Variants in SDCCAG8 observed in about 807,000 individuals in gnomAD.
The protein encoded by SDCCAG8 is serologically defined colon cancer antigen 8.
SDCCAG8 carries 74 observed loss-of-function variants against 101.8 expected under a neutral mutation model. That is an observed-to-expected ratio of 0.73 (90% CI 0.60 to 0.88). The LOEUF (loss-of-function observed/expected upper bound fraction) is 0.88, where lower values mean the gene tolerates loss of function less well. SDCCAG8 is among the 40% of genes least tolerant of loss of function. SDCCAG8 has a pLI of 0.00. For synonymous variants in SDCCAG8, 281 were observed against 292.9 expected, an observed-to-expected ratio of 0.96 and a Z score of 0.41; for missense variants, 787 against 822.6, an observed-to-expected ratio of 0.96 and a Z score of 0.53.
intron 1 of SDCCAG8, among the ~76,000 whole-genome samples, chr1:243,263,894 C>T (rs180718848): frequency 6.6e-6 from 1 of 152,292 alleles, no homozygotes; most frequent in Non-Finnish European, 1.5e-5. Flanking sequence ...TGTTGGTCCC[C>T]TAGTAAACAG....
intron 13 of SDCCAG8, among the ~76,000 whole-genome samples, chr1:243,384,908 A>G (rs1428549129): frequency 6.6e-6 from 1 of 152,222 alleles, no homozygotes; most frequent in Non-Finnish European, 1.5e-5. Context: ...TATTATTCAA[A>G]CAACTTCTTC....
chr1:243,464,247 A>G (rs570208602), intron 16 of SDCCAG8, among the ~76,000 whole-genome samples: 9 of 152,206 alleles, frequency 5.9e-5, no homozygotes, highest in Non-Finnish European at 8.8e-5. Context: ...CGGGGAGCTT[A>G]CACACCTGTT....
intron 4 of SDCCAG8, 78 bp downstream of exon 4, chr1:243,274,734 T>C (rs2068389111): frequency 3.5e-6 from 3 of 861,192 alleles, no homozygotes; most frequent in Non-Finnish European, 5.7e-6. Context: ...AATTTGCTGC[T>C]ATAAATCTTC....
chr1:243,498,563 C>A (rs1004534585), intron 17 of SDCCAG8, among the ~76,000 whole-genome samples: 3 of 152,222 alleles, frequency 2.0e-5, no homozygotes, highest in African/African-American at 7.2e-5. Context: ...CAGACCTGTT[C>A]AAGAAAAAGT....
intron 16 of SDCCAG8, among the ~76,000 whole-genome samples, chr1:243,429,354 A>G (rs941724985): frequency 7.9e-5 from 12 of 152,266 alleles, no homozygotes; most frequent in Middle Eastern, 6.8e-3. Context: ...TGTTATCAAT[A>G]TAAGGCTTCT....
At chr1:243,366,304 G>T (rs79861355) in intron 12 of SDCCAG8, among the ~76,000 whole-genome samples, 1,759 of 151,876 alleles carry the variant, frequency 0.012, 31 homozygotes, top group African/African-American at 0.041. Flanking sequence ...CTTTAGTGTG[G>T]TTTTTATATT....
intron 17 of SDCCAG8, among the ~76,000 whole-genome samples, chr1:243,499,361 G>A (rs1668923909): frequency 6.6e-6 from 1 of 152,174 alleles, no homozygotes; most frequent in East Asian, 1.9e-4. Flanking sequence ...CCTACACCCT[G>A]TTTTTGTTCT....
At chr1:243,403,022 T>C (rs1353061569) in intron 13 of SDCCAG8, among the ~76,000 whole-genome samples, 1 of 152,242 alleles carries the variant, frequency 6.6e-6, no homozygotes, top group Non-Finnish European at 1.5e-5. Flanking sequence ...TGAAGAGTTG[T>C]TGAAAATAAA....
At chr1:243,423,757 T>C (rs2081164250) in intron 15 of SDCCAG8, among the ~76,000 whole-genome samples, 1 of 152,094 alleles carries the variant, frequency 6.6e-6, no homozygotes, top group African/African-American at 2.4e-5. Context: ...TAAAAAAGCA[T>C]GAGAGGCAAT....
rs746538384 is a variant in SDCCAG8 at position 243,274,513 on chromosome 1, A to G, written c.307-30A>G. The G allele has an allele frequency of 1.0e-5, 13 of 1,266,004 alleles. No individual in the cohort carries two copies. The African/African-American group carries it at 1.9e-4, about 19-fold the overall frequency. The allele number at this position is 1,266,004 out of a possible 1,614,324, so 78.4% of individuals were successfully genotyped here. On this transcript the variant is annotated intron_variant, in intron 3 of 17. Transcript: ENST00000366541. ...TTGGCTTTTTAAAATTTATGTATTT[A>G]TGTATTTATTTATTTATTTTTTGTC...
intron 17 of SDCCAG8, among the ~76,000 whole-genome samples, chr1:243,496,697 A>G (rs1266281076): frequency 6.6e-6 from 1 of 152,214 alleles, no homozygotes; most frequent in Non-Finnish European, 1.5e-5. Context: ...TTGGGAACAA[A>G]GCAGCAGCAA....
chr1:243,475,105 A>G (rs958763339), intron 16 of SDCCAG8, among the ~76,000 whole-genome samples: 1 of 151,914 alleles, frequency 6.6e-6, no homozygotes, highest in Non-Finnish European at 1.5e-5. Context: ...GCACAGGCCC[A>G]AGCTCTGTCC....
At chr1:243,488,944 C>T in intron 16 of SDCCAG8, 70 bp from the exon 17 acceptor site, 3 of 1,608,114 alleles carry the variant, frequency 1.9e-6, no homozygotes, top group South Asian at 1.1e-5. Context: ...CCCTCAGATA[C>T]ACACAGCCCC....
chr1:243,454,425 T>C (rs1245982638), intron 16 of SDCCAG8, among the ~76,000 whole-genome samples: 1 of 152,074 alleles, frequency 6.6e-6, no homozygotes, highest in African/African-American at 2.4e-5. Context: ...TTCGCTCACG[T>C]TTGGTTATCT....
intron 9 of SDCCAG8, 35 bp downstream of exon 9, chr1:243,316,928 C>CTT: frequency 2.0e-6 from 3 of 1,502,164 alleles, no homozygotes; most frequent in Non-Finnish European, 2.7e-6. Flanking sequence ...AAGTGTCTTT[C>CTT]TTTTTTTTTT....
intron 12 of SDCCAG8, among the ~76,000 whole-genome samples, chr1:243,357,443 C>T (rs151044786): frequency 0.019 from 2,919 of 151,956 alleles, 26 homozygotes; most frequent in Non-Finnish European, 0.028. Context: ...TCAATGGCCA[C>T]ATATAAAGGA....
At chr1:243,391,932 G>A (rs2078727480) in intron 13 of SDCCAG8, among the ~76,000 whole-genome samples, 1 of 148,550 alleles carries the variant, frequency 6.7e-6, no homozygotes, top group African/African-American at 2.6e-5. Flanking sequence ...CTCATCTGAA[G>A]TGTGGCTCAC....
In SDCCAG8 at chr1:243,357,464, G is replaced by A. The variant is rs559086086; in HGVS notation, c.1473+13133G>A. ...GCCACATATAAAGGATGGAAGGAAA[G>A]GCTTCAGATAATAAAGAGCAATGGC... On this transcript the variant is annotated intron_variant, in intron 12 of 17. Transcript: ENST00000366541. 4.6e-5 allele frequency among the ~76,000 whole-genome samples: 7 copies of A among 152,262 alleles called. No individual in the cohort carries two copies. In the South Asian group the frequency reaches 1.5e-3, roughly 32 times the overall value.
At chr1:243,403,651 C>A (rs932291398) in intron 13 of SDCCAG8, among the ~76,000 whole-genome samples, 1 of 135,952 alleles carries the variant, frequency 7.4e-6, no homozygotes, top group Non-Finnish European at 1.5e-5. Flanking sequence ...TCATTGGATT[C>A]CCATGGGGCG....
Sources: gnomAD v4.1 joint callset for allele counts (sites outside exome capture counted in the v4.1 genomes callset) on GRCh38, gnomAD v4.1.1 for gene constraint, MANE v1.5 for transcripts, NCBI Gene and HGNC (gene_info 2026-07-23, HGNC 2026-07-21) for gene names.